The following KATNAL1 variants were observed in gnomAD, a reference collection of about 807,000 sequenced individuals.
KATNAL1 encodes katanin catalytic subunit A1 like 1, also known as katanin p60 ATPase-containing subunit A-like 1.
KATNAL1 carries 32 observed loss-of-function variants against 55.2 expected under a neutral mutation model. The ratio of observed to expected loss-of-function variants is 0.58; its 90% CI spans 0.44 to 0.78. KATNAL1 has a LOEUF of 0.78. KATNAL1 is among the 30% of genes least tolerant of loss of function. KATNAL1 has a pLI of 0.00. For synonymous variants in KATNAL1, 193 were observed against 193.6 expected (o/e 1.00, Z 0.02); for missense variants, 466 against 600.9 (o/e 0.78, Z 2.35).
At chr13:30,253,165 A>G (rs1014585359) in intron 4 of KATNAL1, among the ~76,000 whole-genome samples, 2 of 152,208 alleles carry the variant, frequency 1.3e-5, no homozygotes, top group Non-Finnish European at 1.5e-5. Context: ...ATCCTAATGA[A>G]TATTTGTGTG....
At chr13:30,304,329 G>A (rs1237650370) in intron 1 of KATNAL1, among the ~76,000 whole-genome samples, 1 of 150,730 alleles carries the variant, frequency 6.6e-6, no homozygotes, top group Non-Finnish European at 1.5e-5. Context: ...GAGTGCAGCA[G>A]CATGATCTTG....
chr13:30,236,079 G>A (rs2137410357), intron 6 of KATNAL1, among the ~76,000 whole-genome samples: 1 of 152,276 alleles, frequency 6.6e-6, no homozygotes, highest in East Asian at 1.9e-4. Flanking sequence ...GAAGGAAAAG[G>A]AGGGGCTGTC....
At chr13:30,305,026 T>C (rs1327385895) in intron 1 of KATNAL1, among the ~76,000 whole-genome samples, 2 of 152,196 alleles carry the variant, frequency 1.3e-5, no homozygotes, top group Non-Finnish European at 2.9e-5. Context: ...ACTTCTCTAC[T>C]GGACTTTGTT....
In KATNAL1 at chr13:30,207,023, G is replaced by C. The variant is rs904328271; in HGVS notation, c.*1517C>G. 2 of 152,086 alleles carry C rather than the reference G, an allele frequency of 1.3e-5. No homozygotes were observed. Among genetic ancestry groups the C allele is most frequent in the Non-Finnish European group, 2.9e-5 (2 of 68,014 alleles). The allele number at this position is 152,086 out of a possible 1,614,324, so 9.4% of individuals were successfully genotyped here. On this transcript the variant is annotated 3_prime_UTR_variant, in exon 11 of 11. Coordinates refer to ENST00000380615, the MANE Select transcript of KATNAL1 (RefSeq NM_032116.5). Reference sequence around the variant, plus strand: ...CATAAGGCATTTACAGTTTTTAGCAGGGAAAAATAATCAAATCTCTTTTTT... The same window carrying C: ...CATAAGGCATTTACAGTTTTTAGCACGGAAAAATAATCAAATCTCTTTTTT...
intron 9 of KATNAL1, 58 bp downstream of exon 9, chr13:30,227,354 A>T: frequency 6.5e-7 from 1 of 1,529,606 alleles, no homozygotes; most frequent in Non-Finnish European, 8.9e-7. Context: ...AAAGATTTAG[A>T]TACATGGGAA....
chr13:30,226,757 T>G (rs1453107075), intron 9 of KATNAL1, among the ~76,000 whole-genome samples: 1 of 152,226 alleles, frequency 6.6e-6, no homozygotes, highest in Non-Finnish European at 1.5e-5. Context: ...TTCATGGATA[T>G]TTCAGCATTT....
At chr13:30,287,234 C>A (rs1273948898) in intron 1 of KATNAL1, among the ~76,000 whole-genome samples, 1 of 152,170 alleles carries the variant, frequency 6.6e-6, no homozygotes, top group Non-Finnish European at 1.5e-5. Context: ...TGTGTTCCCA[C>A]CCAAATCTCA....
At chr13:30,290,651 C>T (rs1882074633) in intron 1 of KATNAL1, among the ~76,000 whole-genome samples, 1 of 151,912 alleles carries the variant, frequency 6.6e-6, no homozygotes, top group Non-Finnish European at 1.5e-5. Context: ...CAGAAAATTA[C>T]AATATCAATA....
chr13:30,281,273 C>T (rs1332110094), intron 2 of KATNAL1, among the ~76,000 whole-genome samples: 1 of 149,676 alleles, frequency 6.7e-6, no homozygotes, highest in Non-Finnish European at 1.5e-5. Flanking sequence ...TTAAAAGGAA[C>T]ATATGAAGGA....
intron 1 of KATNAL1, 84 bp from the exon 2 acceptor site, chr13:30,283,875 TAC>T: frequency 1.1e-6 from 1 of 908,576 alleles, no homozygotes; most frequent in Non-Finnish European, 1.6e-6. Context: ...TGTTTAAAAC[TAC>T]TTTTTTTTTT....
chr13:30,292,755 A>G (rs1882217372), intron 1 of KATNAL1, among the ~76,000 whole-genome samples: 1 of 151,888 alleles, frequency 6.6e-6, no homozygotes, highest in Non-Finnish European at 1.5e-5. Flanking sequence ...CAGTTGGGAG[A>G]AAAAATTTTT....
At chr13:30,299,583 T>C (rs2137569808) in intron 1 of KATNAL1, among the ~76,000 whole-genome samples, 1 of 152,306 alleles carries the variant, frequency 6.6e-6, no homozygotes, top group Non-Finnish European at 1.5e-5. Context: ...TTAATATAAA[T>C]TAGAAGAATT....
At chr13:30,255,402 G>T in intron 4 of KATNAL1, 45 bp downstream of exon 4, 2 of 1,392,930 alleles carry the variant, frequency 1.4e-6, no homozygotes, top group Non-Finnish European at 1.9e-6. Flanking sequence ...TCCACCAAAA[G>T]TCCTGGGCTT....
At chr13:30,263,822 T>C (rs1879511860) in intron 3 of KATNAL1, among the ~76,000 whole-genome samples, 2 of 143,460 alleles carry the variant, frequency 1.4e-5, no homozygotes, top group Non-Finnish European at 3.0e-5. Flanking sequence ...ACAGATTCAA[T>C]GCCATCCCCA....
At chr13:30,229,058 C>G (rs1326616150) in intron 8 of KATNAL1, among the ~76,000 whole-genome samples, 1 of 152,168 alleles carries the variant, frequency 6.6e-6, no homozygotes, top group Non-Finnish European at 1.5e-5. Context: ...CAGTCCCTCA[C>G]CCTGGATATT....
chr13:30,291,264 C>T (rs1393446733), intron 1 of KATNAL1, among the ~76,000 whole-genome samples: 1 of 152,058 alleles, frequency 6.6e-6, no homozygotes, highest in Non-Finnish European at 1.5e-5. Context: ...GGTCAGTGTA[C>T]AAAAATCAAT....
At chr13:30,240,435 C>G in intron 6 of KATNAL1, 25 bp downstream of exon 6, 1 of 1,502,242 alleles carries the variant, frequency 6.7e-7, no homozygotes, top group Non-Finnish European at 9.3e-7. Context: ...ATTCTTATAT[C>G]AAAACCAATT....
At chr13:30,253,261 T>C (rs941985193) in intron 4 of KATNAL1, among the ~76,000 whole-genome samples, 10 of 152,308 alleles carry the variant, frequency 6.6e-5, no homozygotes, top group African/African-American at 2.2e-4. Flanking sequence ...TGTAGTCCCC[T>C]CTGTTTCCAC....
intron 4 of KATNAL1, among the ~76,000 whole-genome samples, chr13:30,243,339 T>C (rs973865952): frequency 2.0e-5 from 3 of 152,306 alleles, no homozygotes; most frequent in Middle Eastern, 3.4e-3. Flanking sequence ...ATTAATGATA[T>C]AGTTTGCCCT....
Sources: allele counts gnomAD v4.1 joint callset (sites outside exome capture counted in the v4.1 genomes callset), GRCh38; gene constraint gnomAD v4.1.1; transcripts MANE v1.5; gene names NCBI Gene and HGNC (gene_info 2026-07-23, HGNC 2026-07-21).